The following PTPRD variants were observed in gnomAD, a reference collection of about 807,000 sequenced individuals.
PTPRD encodes protein tyrosine phosphatase receptor type D.
PTPRD carries 34 observed loss-of-function variants against 214.5 expected under a neutral mutation model. The ratio of observed to expected loss-of-function variants is 0.16; its 90% CI spans 0.12 to 0.21. The LOEUF (loss-of-function observed/expected upper bound fraction) is 0.21, where lower values mean the gene tolerates loss of function less well. PTPRD is among the 10% of genes least tolerant of loss of function. PTPRD has a pLI of 1.00. For synonymous variants in PTPRD, 1,128 were observed against 845.7 expected (o/e 1.33, Z -5.79); for missense variants, 2,545 against 2,398.7 (o/e 1.06, Z -1.27).
chr9:8,952,991 C>A (rs2099111336), intron 11 of PTPRD, among the ~76,000 whole-genome samples: 1 of 151,862 alleles, frequency 6.6e-6, no homozygotes, highest in Non-Finnish European at 1.5e-5. Context: ...TTTGCAGGCC[C>A]AGAAATCTGT....
At chr9:8,500,691 T>C in intron 24 of PTPRD, 63 bp downstream of exon 24, 2 of 1,514,624 alleles carry the variant, frequency 1.3e-6, no homozygotes, top group Non-Finnish European at 9.0e-7. Flanking sequence ...GTGAGCCTAT[T>C]GAAAGACAGC....
At chr9:9,857,166 T>C (rs7851330) in intron 5 of PTPRD, among the ~76,000 whole-genome samples, 17,604 of 152,166 alleles carry the variant, frequency 0.12, 2,371 homozygotes, top group East Asian at 0.7. Flanking sequence ...TGATTGTTTA[T>C]GTCACAATTT....
rs551151272 is a variant in PTPRD, at chr9:9,871,875, A to G, written c.-368+66632T>C. 2.4e-4 allele frequency among the ~76,000 whole-genome samples: 37 copies of G among 152,358 alleles called. 2 individuals carry two copies. The South Asian group carries it at 7.3e-3, about 30-fold the overall frequency. ...TCTTTTCCTTTAACAATAGGAATGC[A>G]TAAGTCTAACTATTCTAAATAAATC... On this transcript the variant is annotated intron_variant, in intron 5 of 45. Coordinates refer to ENST00000381196, the MANE Select transcript of PTPRD (RefSeq NM_002839.4).
intron 9 of PTPRD, among the ~76,000 whole-genome samples, chr9:9,246,250 T>C (rs1034558533): frequency 1.3e-5 from 2 of 152,074 alleles, no homozygotes; most frequent in South Asian, 2.1e-4. Context: ...TCCTCCGATA[T>C]GTCTCGAAAC....
At chr9:8,323,571 G>C (rs1027965298) in intron 44 of PTPRD, among the ~76,000 whole-genome samples, 52 of 151,982 alleles carry the variant, frequency 3.4e-4, no homozygotes, top group African/African-American at 1.2e-3. Flanking sequence ...AGGGGTTCAA[G>C]ACTTCAGTAG....
At position 9,093,739 on chromosome 9, in the gene PTPRD, G is replaced by A. The variant is rs571777520; in HGVS notation, c.-142-75004C>T. On this transcript the variant is annotated intron_variant, in intron 10 of 45. Coordinates refer to ENST00000381196, the MANE Select transcript of PTPRD (RefSeq NM_002839.4). ...AGCATTAACTGCTTCTATTAGAAAAGGAAAAAGTTCTCAAGTTAATGATCT... is the reference window on the plus strand; with the variant it reads ...AGCATTAACTGCTTCTATTAGAAAAAGAAAAAGTTCTCAAGTTAATGATCT... 4.8e-3 allele frequency among the ~76,000 whole-genome samples: 726 copies of A among 151,358 alleles called. 7 individuals carry two copies. Among genetic ancestry groups the A allele is most frequent in the African/African-American group, 0.017 (692 of 41,214 alleles).
At chr9:10,592,266 G>C (rs2075645539) in intron 2 of PTPRD, among the ~76,000 whole-genome samples, 1 of 151,860 alleles carries the variant, frequency 6.6e-6, no homozygotes, top group South Asian at 2.1e-4. Context: ...AAGGTCCCAG[G>C]ATGACATATG....
At chr9:10,263,288 A>G (rs117357892) in intron 3 of PTPRD, among the ~76,000 whole-genome samples, 2,657 of 152,294 alleles carry the variant, frequency 0.017, 33 homozygotes, top group Non-Finnish European at 0.027. Flanking sequence ...ACAGTTTGGA[A>G]GGCTCAGAAG....
intron 7 of PTPRD, among the ~76,000 whole-genome samples, chr9:9,584,417 G>A (rs1592211859): frequency 1.3e-5 from 2 of 150,432 alleles, no homozygotes; most frequent in African/African-American, 4.9e-5. Flanking sequence ...TGTTGCTCAT[G>A]TTTCACCATC....
intron 2 of PTPRD, among the ~76,000 whole-genome samples, chr9:10,459,704 T>C (rs911668281): frequency 2.6e-5 from 4 of 152,102 alleles, no homozygotes; most frequent in African/African-American, 9.7e-5. Context: ...AAATGTCTTC[T>C]TTTGAGAAGT....
chr9:8,783,446 T>C (rs986980459), intron 11 of PTPRD, among the ~76,000 whole-genome samples: 1 of 152,258 alleles, frequency 6.6e-6, no homozygotes, highest in African/African-American at 2.4e-5. Context: ...ACTGAAGTTT[T>C]ATATGTATTC....
intron 11 of PTPRD, among the ~76,000 whole-genome samples, chr9:8,933,339 G>GTTTTTTTTTTTTTTTT (rs1567089304): frequency 2.9e-5 from 2 of 68,800 alleles, no homozygotes; most frequent in African/African-American, 1.0e-4. Context: ...ACAACCTTGA[G>GTTTTTTTTTTTTTTTT]GTTTTTTTTT....
chr9:8,563,641 T>C (rs780101927), intron 14 of PTPRD, among the ~76,000 whole-genome samples: 2 of 152,008 alleles, frequency 1.3e-5, no homozygotes, highest in African/African-American at 2.4e-5. Flanking sequence ...TTCACCATGT[T>C]GGCCAGGCTG....
At chr9:9,664,383 T>A (rs2096675502) in intron 7 of PTPRD, among the ~76,000 whole-genome samples, 1 of 151,670 alleles carries the variant, frequency 6.6e-6, no homozygotes, top group Non-Finnish European at 1.5e-5. Flanking sequence ...TTGTTAAGAA[T>A]CACTTCTCTT....
At chr9:9,944,912 G>C (rs144678830) in intron 4 of PTPRD, among the ~76,000 whole-genome samples, 1 of 151,834 alleles carries the variant, frequency 6.6e-6, no homozygotes, top group Non-Finnish European at 1.5e-5. Context: ...ACTGAAGGAA[G>C]TTAAAATGAG....
chr9:10,278,928 C>T (rs1158926451), intron 3 of PTPRD, among the ~76,000 whole-genome samples: 1 of 152,034 alleles, frequency 6.6e-6, no homozygotes, highest in African/African-American at 2.4e-5. Flanking sequence ...GCACACACCA[C>T]CACGCCAGGC....
chr9:8,411,201 G>A (rs866901610), intron 35 of PTPRD, among the ~76,000 whole-genome samples: 5 of 151,800 alleles, frequency 3.3e-5, no homozygotes, highest in South Asian at 4.1e-4. Context: ...TTGAGAGATC[G>A]TTCCAAATAA....
chr9:9,659,779 T>C (rs1051429134), intron 7 of PTPRD, among the ~76,000 whole-genome samples: 12 of 152,078 alleles, frequency 7.9e-5, no homozygotes, highest in African/African-American at 2.7e-4. Context: ...AAATATTTTG[T>C]AGTTGTACTC....
intron 9 of PTPRD, among the ~76,000 whole-genome samples, chr9:9,364,963 G>A (rs1056452685): frequency 6.6e-6 from 1 of 151,440 alleles, no homozygotes; most frequent in Non-Finnish European, 1.5e-5. Flanking sequence ...ATAAGGTTAA[G>A]TTCTAGGTAC....
Sources: gnomAD v4.1 joint callset for allele counts (sites outside exome capture counted in the v4.1 genomes callset) on GRCh38, gnomAD v4.1.1 for gene constraint, MANE v1.5 for transcripts, NCBI Gene and HGNC (gene_info 2026-07-23, HGNC 2026-07-21) for gene names.